The following TCF7L2 variants were observed in gnomAD, a reference collection of about 807,000 sequenced individuals.
TCF7L2 encodes transcription factor 7 like 2, also known as transcription factor 7-like 2.
Under a neutral mutation model 77.9 loss-of-function variants are expected in TCF7L2, and 23 were observed. The ratio of observed to expected loss-of-function variants is 0.30; its 90% CI spans 0.21 to 0.42. TCF7L2 has a LOEUF of 0.42. Among genes scored for constraint, TCF7L2 ranks in the 10% least tolerant of loss-of-function variants. The pLI is 1.00. For missense variants in TCF7L2, 654 were observed against 793.1 expected, an observed-to-expected ratio of 0.82 and a Z score of 2.11; for synonymous variants, 413 against 340.2, an observed-to-expected ratio of 1.21 and a Z score of -2.36.
At chr10:113,110,033 G>A (rs7084875) in intron 5 of TCF7L2, among the ~76,000 whole-genome samples, 28,169 of 152,056 alleles carry the variant, frequency 0.19, 2,870 homozygotes, top group Middle Eastern at 0.31. Flanking sequence ...ACCTGTTGAA[G>A]CCTCTAAAGA....
chr10:113,030,273 T>C (rs2049995819), intron 4 of TCF7L2, among the ~76,000 whole-genome samples: 1 of 152,234 alleles, frequency 6.6e-6, no homozygotes, highest in African/African-American at 2.4e-5. Context: ...TGAATAGTAT[T>C]CCATTTTATG....
At chr10:112,985,868 G>T (rs1460759498) in intron 4 of TCF7L2, among the ~76,000 whole-genome samples, 59 of 151,820 alleles carry the variant, frequency 3.9e-4, no homozygotes, top group African/African-American at 1.4e-3. Flanking sequence ...GTTTGTGTGT[G>T]TGTGTGTGTG....
chr10:112,975,600 A>G (rs1401311535), intron 4 of TCF7L2, among the ~76,000 whole-genome samples: 1 of 151,838 alleles, frequency 6.6e-6, no homozygotes, highest in African/African-American at 2.4e-5. Context: ...TCATACCTCA[A>G]CCTCCCCAGT....
At chr10:113,084,278 G>A (rs1056124575) in intron 5 of TCF7L2, among the ~76,000 whole-genome samples, 2 of 152,234 alleles carry the variant, frequency 1.3e-5, no homozygotes, top group African/African-American at 2.4e-5. Flanking sequence ...AGTCCATGGT[G>A]CAGCTCTAGT....
chr10:113,160,073 T>G, intron 12 of TCF7L2, 81 bp downstream of exon 14: 1 of 1,294,532 alleles, frequency 7.7e-7, no homozygotes, highest in South Asian at 1.3e-5. Context: ...GCCTGTTGCT[T>G]TGTAGCTCTG....
chr10:113,014,805 CA>C lies in TCF7L2; in HGVS notation c.451-25217del, dbSNP rs376813768. Among the ~76,000 whole-genome samples the C allele has an allele frequency of 2.9e-3, 437 of 152,022 alleles. 4 individuals carry two copies. The highest frequency in any genetic ancestry group is 0.01 in the African/African-American group (427 of 41,492). ...CATCTCACAAAAACAAACAAACAAACAAACAAAAACTAAAAGGAGATTTCCT... is the reference window on the plus strand; with the variant it reads ...CATCTCACAAAAACAAACAAACAAACAACAAAAACTAAAAGGAGATTTCCT... On this transcript the variant is annotated intron_variant, in intron 4 of 13. Transcript: ENST00000627217.
Position 112,950,595 on chromosome 10 carries a change from C to A in TCF7L2, c.-162C>A. ...CCTCCCCTCCTCCCTCTTTTCCCCT[C>A]CCCAGGAGAAAAAGACCCCCAAGCA... is the stretch of plus-strand genomic sequence containing the variant. On this transcript the variant is annotated 5_prime_UTR_variant, in exon 1 of 14. Transcript: ENST00000627217. 2 of 497,884 alleles carry A rather than the reference C, an allele frequency of 4.0e-6. No homozygotes were observed. Among genetic ancestry groups the A allele is most frequent in the Non-Finnish European group, 6.8e-6 (2 of 294,332 alleles). The allele number at this position is 497,884 out of a possible 1,614,324, so 30.8% of individuals were successfully genotyped here.
Position 112,950,961 on chromosome 10 carries a change from C to A in TCF7L2, c.189+16C>A, listed in dbSNP as rs1422302499. The A allele has an allele frequency of 6.2e-7, 1 of 1,603,014 alleles. No homozygotes were observed. The highest frequency in any genetic ancestry group is 2.2e-5 in the East Asian group (1 of 44,458). Reference sequence around the variant, plus strand: ...CGATTCCGAGGTAGGAAAAGCCCCTCGGGCTGGTGGGGTTTTTTATCTGTT... The same window carrying A: ...CGATTCCGAGGTAGGAAAAGCCCCTAGGGCTGGTGGGGTTTTTTATCTGTT... On this transcript the variant is annotated intron_variant, in intron 1 of 13. Transcript: ENST00000627217.
intron 5 of TCF7L2, among the ~76,000 whole-genome samples, chr10:113,102,407 TTTG>T (rs1247467693): frequency 2.6e-5 from 4 of 151,878 alleles, no homozygotes; most frequent in South Asian, 2.1e-4. Flanking sequence ...ACATCTGTTT[TTTG>T]TTGTTGTTGT....
intron 4 of TCF7L2, 35 bp downstream of exon 4, chr10:112,964,659 T>G (rs1419984287): frequency 6.3e-7 from 1 of 1,581,830 alleles, no homozygotes. Context: ...GCTTGAATTG[T>G]CTATATGTAG....
intron 4 of TCF7L2, among the ~76,000 whole-genome samples, chr10:112,974,984 C>CTTTTTCT (rs1554886066): frequency 6.8e-6 from 1 of 147,228 alleles, no homozygotes; most frequent in South Asian, 2.2e-4. Flanking sequence ...TTTTCTTTTT[C>CTTTTTCT]TTTTTTTTTT....
At chr10:113,070,551 T>C (rs1284533232) in intron 5 of TCF7L2, among the ~76,000 whole-genome samples, 2 of 152,242 alleles carry the variant, frequency 1.3e-5, no homozygotes, top group East Asian at 3.9e-4. Flanking sequence ...TGCCAGGCAC[T>C]GTGCTAGGCT....
At chr10:112,962,711 G>C (rs958149460) in intron 3 of TCF7L2, among the ~76,000 whole-genome samples, 4 of 152,240 alleles carry the variant, frequency 2.6e-5, no homozygotes, top group Middle Eastern at 3.4e-3. Flanking sequence ...CAATTTTCCT[G>C]CCTCAGCCTC....
chr10:113,039,865 C>G (rs956508504), intron 4 of TCF7L2, among the ~76,000 whole-genome samples, 160 bp from the exon 5 acceptor site: 2 of 152,066 alleles, frequency 1.3e-5, no homozygotes, highest in Admixed American at 6.5e-5. Flanking sequence ...GAGGAAGACC[C>G]TATTGGAATT....
intron 3 of TCF7L2, among the ~76,000 whole-genome samples, chr10:112,961,882 C>T (rs949436837): frequency 2.7e-5 from 4 of 149,138 alleles, no homozygotes; most frequent in South Asian, 2.1e-4. Context: ...TGGGCGCTCG[C>T]GTGTGCGTGT....
intron 4 of TCF7L2, among the ~76,000 whole-genome samples, chr10:112,998,980 C>G (rs992650437): frequency 6.6e-6 from 1 of 152,094 alleles, no homozygotes; most frequent in African/African-American, 2.4e-5. Context: ...CTGTGCTTTC[C>G]CCCCAGCAAA....
At chr10:113,061,133 C>T (rs564701906) in intron 5 of TCF7L2, among the ~76,000 whole-genome samples, 22 of 152,240 alleles carry the variant, frequency 1.4e-4, no homozygotes, top group African/African-American at 5.1e-4. Flanking sequence ...ACCTGCACCA[C>T]CCCTCACCCC....
chr10:113,061,803 C>A (rs2056490772), intron 5 of TCF7L2, among the ~76,000 whole-genome samples: 1 of 152,202 alleles, frequency 6.6e-6, no homozygotes, highest in Non-Finnish European at 1.5e-5. Flanking sequence ...GGCGAACGCA[C>A]TAGCAGGTGA....
chr10:113,128,783 C>T (rs1010778486), intron 5 of TCF7L2, among the ~76,000 whole-genome samples: 4 of 152,096 alleles, frequency 2.6e-5, no homozygotes, highest in East Asian at 1.9e-4. Flanking sequence ...TAAAAGAGGA[C>T]GATTTCTGGC....
Sources: allele counts gnomAD v4.1 joint callset (sites outside exome capture counted in the v4.1 genomes callset), GRCh38; gene constraint gnomAD v4.1.1; transcripts MANE v1.5; gene names NCBI Gene and HGNC (gene_info 2026-07-23, HGNC 2026-07-21).